The following COL28A1 variants were observed in gnomAD, a reference collection of about 807,000 sequenced individuals.
COL28A1 encodes collagen alpha-1(XXVIII) chain.
Under a neutral mutation model 150.2 loss-of-function variants are expected in COL28A1, and 161 were observed. That is an observed-to-expected ratio of 1.07 (90% CI 0.94 to 1.22). The LOEUF (loss-of-function observed/expected upper bound fraction) is 1.22, where lower values mean the gene tolerates loss of function less well. COL28A1 is among the 50% of genes most tolerant of loss of function. COL28A1 has a pLI of 0.00. For missense variants in COL28A1, 1,617 were observed against 1,388.3 expected (o/e 1.16, Z -2.62); for synonymous variants, 552 against 469.7 (o/e 1.18, Z -2.26).
At chr7:7,429,657 T>C (rs112143471) in intron 25 of COL28A1, among the ~76,000 whole-genome samples, 5 of 152,288 alleles carry the variant, frequency 3.3e-5, no homozygotes, top group African/African-American at 1.2e-4. Flanking sequence ...GTTCCCTTGA[T>C]TCTAAGACCA....
At chr7:7,370,686 C>T in intron 33 of COL28A1, 39 bp downstream of exon 33, 1 of 1,544,254 alleles carries the variant, frequency 6.5e-7, no homozygotes, top group Non-Finnish European at 8.9e-7. Flanking sequence ...AGAGAATACA[C>T]CATTTTAAGC....
At chr7:7,360,576 A>G in intron 33 of COL28A1, 48 bp from the exon 34 acceptor site, 1 of 1,551,758 alleles carries the variant, frequency 6.4e-7, no homozygotes, top group South Asian at 1.2e-5. Context: ...ATCAAGTAAA[A>G]AAAATACTAG....
chr7:7,342,780 TTATTAA>T, the COL28A1 span, among the ~76,000 whole-genome samples: 6 of 152,086 alleles, frequency 3.9e-5, no homozygotes, highest in South Asian at 2.1e-4. Context: ...CATATTATGA[TTATTAA>T]TATTATTTGG....
chr7:7,540,925 C>T, the COL28A1 span, among the ~76,000 whole-genome samples: 1 of 49,132 alleles, frequency 2.0e-5, no homozygotes, highest in Non-Finnish European at 4.7e-5. Flanking sequence ...CTAATCAAAA[C>T]ATAGCCAGTA....
chr7:7,424,882 C>A (rs1182099380), intron 25 of COL28A1, among the ~76,000 whole-genome samples: 1 of 152,062 alleles, frequency 6.6e-6, no homozygotes, highest in African/African-American at 2.4e-5. Context: ...TCAGTGAAGA[C>A]CACCTAGACC....
At chr7:7,416,548 C>A (rs1414597187) in intron 27 of COL28A1, among the ~76,000 whole-genome samples, 4 of 152,204 alleles carry the variant, frequency 2.6e-5, no homozygotes, top group South Asian at 2.1e-4. Context: ...TACAGCACTA[C>A]CACCTTCTAA....
At chr7:7,381,488 G>T in intron 28 of COL28A1, 56 bp downstream of exon 28, 1 of 1,272,068 alleles carries the variant, frequency 7.9e-7, no homozygotes, top group Non-Finnish European at 1.1e-6. Context: ...CAAAGTTAAA[G>T]TTAAGCTATT....
chr7:7,387,885 A>G (rs1782284984), intron 27 of COL28A1, among the ~76,000 whole-genome samples: 1 of 152,144 alleles, frequency 6.6e-6, no homozygotes, highest in Non-Finnish European at 1.5e-5. Context: ...AAGAAAATCA[A>G]AAGACCTAAA....
intron 27 of COL28A1, among the ~76,000 whole-genome samples, chr7:7,387,655 G>C (rs1001025161): frequency 3.3e-5 from 5 of 152,064 alleles, no homozygotes; most frequent in African/African-American, 1.2e-4. Flanking sequence ...ATAGAATCTG[G>C]GTAAAGGATA....
intron 27 of COL28A1, among the ~76,000 whole-genome samples, chr7:7,387,904 G>A (rs11526212): frequency 0.6 from 91,207 of 151,956 alleles, 28,648 homozygotes; most frequent in South Asian, 0.7. Flanking sequence ...AAACAAAGCT[G>A]CAGGTGTGGA....
intron 27 of COL28A1, among the ~76,000 whole-genome samples, chr7:7,415,943 C>T (rs949056385): frequency 3.3e-5 from 5 of 152,168 alleles, no homozygotes; most frequent in Non-Finnish European, 7.3e-5. Flanking sequence ...GTTGGGACTA[C>T]AGACATGCAC....
intron 27 of COL28A1, among the ~76,000 whole-genome samples, chr7:7,387,731 G>A (rs752245767): frequency 6.6e-6 from 1 of 152,040 alleles, no homozygotes; most frequent in Non-Finnish European, 1.5e-5. Flanking sequence ...CAAAATAAAA[G>A]TTAAACATTA....
In COL28A1 at chr7:7,358,041, A is replaced by G. The variant is rs916219700; in HGVS notation, c.*592T>C. 6.6e-6 allele frequency: 1 copy of G among 152,262 alleles called. No homozygotes were observed. The highest frequency in any genetic ancestry group is 1.5e-5 in the Non-Finnish European group (1 of 68,066). 9.4% of individuals were successfully genotyped at this position (152,262 alleles called of 1,614,324 possible). A position where few individuals can be genotyped will look rare whatever the true frequency, so the allele number is the denominator to read the frequency against. On this transcript the variant is annotated 3_prime_UTR_variant, in exon 35 of 35. Transcript: ENST00000399429. Reference sequence around the variant, plus strand: ...AAAGTGACAGTCTGTGATACATTTAAGTAATTGTAATTCAGATTGGTTTCT... The same window carrying G: ...AAAGTGACAGTCTGTGATACATTTAGGTAATTGTAATTCAGATTGGTTTCT...
chr7:7,444,934 C>A (rs1488569247), intron 18 of COL28A1, among the ~76,000 whole-genome samples: 1 of 152,042 alleles, frequency 6.6e-6, no homozygotes, highest in Non-Finnish European at 1.5e-5. Context: ...GGACCTCCCC[C>A]TTGCTGTTCT....
At chr7:7,490,097 G>A (rs1270767410) in intron 12 of COL28A1, among the ~76,000 whole-genome samples, 1 of 152,144 alleles carries the variant, frequency 6.6e-6, no homozygotes, top group Non-Finnish European at 1.5e-5. Context: ...AATATGTCCT[G>A]CATAATGTAC....
intron 4 of COL28A1, among the ~76,000 whole-genome samples, chr7:7,522,806 CAAAAAAAAAAAAAA>C (rs200294353): frequency 0.65 from 62,439 of 95,478 alleles, 17,809 homozygotes; most frequent in Admixed American, 0.75. Flanking sequence ...AGCTGAAGAG[CAAAAAAAAAAAAAA>C]AAAAAAAAAA....
chr7:7,491,419 G>A (rs537780189), intron 11 of COL28A1, among the ~76,000 whole-genome samples: 1 of 152,332 alleles, frequency 6.6e-6, no homozygotes. Context: ...AAAGCCAGCT[G>A]CTGAAGAGGC....
chr7:7,338,813 C>T, the COL28A1 span, among the ~76,000 whole-genome samples: 2 of 152,120 alleles, frequency 1.3e-5, no homozygotes, highest in Non-Finnish European at 2.9e-5. Flanking sequence ...TTTTGGCTGA[C>T]TTTGTGACTT....
intron 30 of COL28A1, 56 bp from the exon 31 acceptor site, chr7:7,375,553 A>G: frequency 8.5e-7 from 1 of 1,180,156 alleles, no homozygotes; most frequent in Non-Finnish European, 1.2e-6. Flanking sequence ...TATTTTTCCT[A>G]GAGCCATAAA....
Sources: allele counts gnomAD v4.1 joint callset (sites outside exome capture counted in the v4.1 genomes callset), GRCh38; gene constraint gnomAD v4.1.1; transcripts MANE v1.5; gene names NCBI Gene and HGNC (gene_info 2026-07-23, HGNC 2026-07-21).